The following PTH2R variants were observed in gnomAD, a reference collection of about 807,000 sequenced individuals.
PTH2R encodes parathyroid hormone 2 receptor.
PTH2R carries 59 observed loss-of-function variants against 60.3 expected under a neutral mutation model. The ratio of observed to expected loss-of-function variants is 0.98; its 90% CI spans 0.79 to 1.22. The LOEUF (loss-of-function observed/expected upper bound fraction) is 1.22. Ranked by LOEUF, PTH2R falls within the 50% of genes most tolerant of loss-of-function variation. The pLI is 0.00. For missense variants in PTH2R, 749 were observed against 682.6 expected (o/e 1.10, Z -1.08); for synonymous variants, 256 against 243.8 (o/e 1.05, Z -0.47).
At chr2:208,377,378 GCT>G (rs1700814444) in intron 1 of PTH2R, among the ~76,000 whole-genome samples, 1 of 152,068 alleles carries the variant, frequency 6.6e-6, no homozygotes, top group African/African-American at 2.4e-5. Context: ...TTCTCAATGA[GCT>G]GTTGGGTACA....
chr2:208,405,058 T>A (rs1701376707), upstream of PTH2R, among the ~76,000 whole-genome samples: 1 of 152,218 alleles, frequency 6.6e-6, no homozygotes, highest in Admixed American at 6.5e-5. Flanking sequence ...AAAGTTGTGA[T>A]TTCAGAGGCA....
chr2:208,459,925 G>C lies in PTH2R; in HGVS notation c.945G>C (p.Lys315Asn). 1.9e-6 allele frequency: 3 copies of C among 1,613,120 alleles called. No homozygotes were observed. Among genetic ancestry groups the C allele is most frequent in the Non-Finnish European group, 2.5e-6 (3 of 1,179,414 alleles). ...GGGAACTTAGTGCTGGAGACATCAAGTGGATTTATCAAGCACCGATCTTAG... is the reference window on the plus strand; with the variant it reads ...GGGAACTTAGTGCTGGAGACATCAACTGGATTTATCAAGCACCGATCTTAG... ...RCWELSAGDIKWIYQAPILAA... is the reference protein window; with the variant it reads ...RCWELSAGDINWIYQAPILAA... The change falls in exon 9 of 13, where the codon AAG (lysine) becomes AAC (asparagine). Residue 315 changes from lysine to asparagine, a missense_variant. Lys to Asn is a moderately conservative substitution (Grantham distance 94). Transcript: ENST00000272847.
At chr2:208,477,438 G>A (rs1324050032) in intron 9 of PTH2R, among the ~76,000 whole-genome samples, 1 of 151,986 alleles carries the variant, frequency 6.6e-6, no homozygotes, top group Non-Finnish European at 1.5e-5. Context: ...GTTCATCTGT[G>A]GTTCACTCTG....
At chr2:208,489,710 G>T (rs973386332) in intron 11 of PTH2R, among the ~76,000 whole-genome samples, 2 of 152,132 alleles carry the variant, frequency 1.3e-5, no homozygotes, top group African/African-American at 4.8e-5. Flanking sequence ...AATACTCAAA[G>T]ATTTCCAGTT....
chr2:208,445,142 G>A (rs1156982594), intron 7 of PTH2R, among the ~76,000 whole-genome samples: 1 of 152,164 alleles, frequency 6.6e-6, no homozygotes, highest in Non-Finnish European at 1.5e-5. Context: ...GGATTCTTTG[G>A]AGGAAATATA....
chr2:208,405,929 A>C (rs1254175720), upstream of PTH2R, among the ~76,000 whole-genome samples: 1 of 152,230 alleles, frequency 6.6e-6, no homozygotes, highest in East Asian at 1.9e-4. Context: ...ATCTGCCAGC[A>C]CTTTGATCTT....
At chr2:208,395,596 A>G (rs560234204) in intron 1 of PTH2R, among the ~76,000 whole-genome samples, 1 of 152,318 alleles carries the variant, frequency 6.6e-6, no homozygotes, top group East Asian at 1.9e-4. Flanking sequence ...AAATCCCTGC[A>G]CATTTCACAC....
chr2:208,440,326 T>C (rs1702157138), intron 4 of PTH2R, among the ~76,000 whole-genome samples: 1 of 152,244 alleles, frequency 6.6e-6, no homozygotes, highest in Admixed American at 6.5e-5. Context: ...TTCTTTCTGA[T>C]TGGTTAGAAT....
intron 4 of PTH2R, among the ~76,000 whole-genome samples, chr2:208,441,548 A>G (rs1312246292): frequency 3.3e-5 from 5 of 152,204 alleles, no homozygotes; most frequent in Non-Finnish European, 7.3e-5. Flanking sequence ...ACATTTCTAC[A>G]CCATTGTCCA....
intron 1 of PTH2R, among the ~76,000 whole-genome samples, chr2:208,376,633 TAA>T (rs1235639797): frequency 3.3e-5 from 5 of 152,056 alleles, no homozygotes; most frequent in African/African-American, 9.7e-5. Context: ...AATTAAGTAA[TAA>T]GAGTAAGAAA....
rs144431506 is a variant in PTH2R, at chr2:208,381,541, C to T, written c.-259+21304C>T. On this transcript the variant is annotated intron_variant, in intron 1 of 12. Transcript: ENST00000617735. ...GGGCTTAAGTGATCCTCCTGCCTCA[C>T]ACTCTGGAGTAGCTGGGATTATAGA... 2.0e-5 allele frequency among the ~76,000 whole-genome samples: 3 copies of T among 152,236 alleles called. No homozygotes were observed. The East Asian group carries it at 5.8e-4, about 29-fold the overall frequency.
intron 1 of PTH2R, among the ~76,000 whole-genome samples, chr2:208,374,859 C>T (rs1161772038): frequency 6.6e-6 from 1 of 152,038 alleles, no homozygotes; most frequent in African/African-American, 2.4e-5. Flanking sequence ...TTCACTCATT[C>T]AATCAAAAAA....
At chr2:208,460,558 A>G (rs921588916) in intron 9 of PTH2R, among the ~76,000 whole-genome samples, 1 of 152,138 alleles carries the variant, frequency 6.6e-6, no homozygotes, top group Non-Finnish European at 1.5e-5. Flanking sequence ...AAAGACCACA[A>G]TGCATGTTGC....
intron 10 of PTH2R, among the ~76,000 whole-genome samples, chr2:208,482,318 T>C (rs1454533513): frequency 1.3e-5 from 2 of 152,104 alleles, no homozygotes; most frequent in Non-Finnish European, 2.9e-5. Context: ...CACAAGATAG[T>C]GAAAGCTGGG....
At chr2:208,367,958 T>C (rs1449322330) in intron 1 of PTH2R, among the ~76,000 whole-genome samples, 1 of 152,196 alleles carries the variant, frequency 6.6e-6, no homozygotes, top group South Asian at 2.1e-4. Flanking sequence ...GGCCATAAAA[T>C]ATTTTAGGGT....
chr2:208,479,548 T>G (rs916414562), intron 9 of PTH2R, among the ~76,000 whole-genome samples: 5 of 152,222 alleles, frequency 3.3e-5, no homozygotes, highest in Non-Finnish European at 5.9e-5. Context: ...ATCTTGTCAT[T>G]CAGAAAGTAG....
chr2:208,430,893 A>T lies in PTH2R; in HGVS notation c.178+2590A>T, dbSNP rs76146733. On this transcript the variant is annotated intron_variant, in intron 2 of 12. Coordinates refer to ENST00000272847, the MANE Select transcript of PTH2R (RefSeq NM_005048.4). ...GTCTGGCTCTCTTTAAGAACTCTTT[A>T]ACATTGATATTCTGCAGTTTCACTC... 4.1e-4 allele frequency among the ~76,000 whole-genome samples: 62 copies of T among 152,130 alleles called. No homozygotes were observed. The East Asian group carries it at 0.012, about 28-fold the overall frequency.
At chr2:208,473,641 T>C (rs951379684) in intron 9 of PTH2R, among the ~76,000 whole-genome samples, 6 of 152,224 alleles carry the variant, frequency 3.9e-5, no homozygotes, top group African/African-American at 1.4e-4. Flanking sequence ...TGTGTGCTCC[T>C]CATGGGGAGG....
rs560880341 is a variant in PTH2R at position 208,374,884 on chromosome 2, G to A, written c.-259+14647G>A. ...CAATCAAAAAACATGCATTGAACAC[G>A]TATTCTTGGCTAGATCCGGTGCTGC... On this transcript the variant is annotated intron_variant, in intron 1 of 12. Coordinates refer to the PTH2R transcript ENST00000617735. Among the ~76,000 whole-genome samples the A allele has an allele frequency of 2.0e-5, 3 of 152,150 alleles. No individual in the cohort carries two copies. The South Asian group carries it at 6.2e-4, about 32-fold the overall frequency.
Sources: allele counts gnomAD v4.1 joint callset (sites outside exome capture counted in the v4.1 genomes callset), GRCh38; gene constraint gnomAD v4.1.1; transcripts MANE v1.5; gene names NCBI Gene and HGNC (gene_info 2026-07-23, HGNC 2026-07-21).